Variants in NRXN1 observed in about 807,000 individuals in gnomAD.
NRXN1 encodes the protein neurexin-1.
NRXN1 carries 39 observed loss-of-function variants against 150.9 expected under a neutral mutation model. The ratio of observed to expected loss-of-function variants is 0.26; its 90% CI spans 0.20 to 0.34. NRXN1 has a LOEUF of 0.34. Ranked by LOEUF, NRXN1 falls within the 10% of genes least tolerant of loss-of-function variation. The pLI is 1.00. For missense variants in NRXN1, 1,815 were observed against 1,949.9 expected, an observed-to-expected ratio of 0.93 and a Z score of 1.30; for synonymous variants, 924 against 757.0, an observed-to-expected ratio of 1.22 and a Z score of -3.62.
At chr2:50,251,387 T>G (rs920840417) in intron 17 of NRXN1, among the ~76,000 whole-genome samples, 4 of 152,138 alleles carry the variant, frequency 2.6e-5, no homozygotes, top group African/African-American at 9.7e-5. Flanking sequence ...CTACATAGTA[T>G]TCCATAGTGT....
intron 18 of NRXN1, among the ~76,000 whole-genome samples, chr2:50,101,323 C>G (rs952389724): frequency 1.3e-4 from 19 of 151,964 alleles, no homozygotes; most frequent in Admixed American, 7.2e-4. Context: ...AGGAACTGAA[C>G]AGGAAAGGGG....
At chr2:50,919,943 T>C in intron 5 of NRXN1, 4 of 335,314 alleles carry the variant, frequency 1.2e-5, no homozygotes, top group South Asian at 9.5e-5. Flanking sequence ...ATGAACACTC[T>C]GTGGATGCCA....
At chr2:50,922,517 A>G (rs1686193454) in intron 4 of NRXN1, 141 bp downstream of exon 4, 3 of 856,478 alleles carry the variant, frequency 3.5e-6, no homozygotes, top group Non-Finnish European at 5.8e-6. Flanking sequence ...AACACATGAA[A>G]AAATGTGAAC....
chr2:50,561,028 G>T (rs546925133), intron 8 of NRXN1, among the ~76,000 whole-genome samples: 1 of 152,218 alleles, frequency 6.6e-6, no homozygotes, highest in South Asian at 2.1e-4. Context: ...ACAACAAAGA[G>T]AAAAATATTT....
chr2:50,893,321 G>C (rs1228844729), intron 5 of NRXN1, among the ~76,000 whole-genome samples: 4 of 152,052 alleles, frequency 2.6e-5, no homozygotes, highest in South Asian at 4.1e-4. Context: ...GCCACAAAAG[G>C]ACAGACAATT....
At chr2:50,183,512 T>C (rs1390491604) in intron 18 of NRXN1, among the ~76,000 whole-genome samples, 1 of 151,892 alleles carries the variant, frequency 6.6e-6, no homozygotes, top group Non-Finnish European at 1.5e-5. Context: ...ATTGATATTC[T>C]TTAACTGTGT....
intron 2 of NRXN1, among the ~76,000 whole-genome samples, chr2:50,940,697 T>G (rs564369029): frequency 6.6e-6 from 1 of 152,256 alleles, no homozygotes; most frequent in African/African-American, 2.4e-5. Flanking sequence ...TTGTTTTTTG[T>G]TTTTCACATT....
chr2:50,185,435 C>G (rs534621069), intron 18 of NRXN1: 25 of 152,030 alleles, frequency 1.6e-4, no homozygotes, highest in Non-Finnish European at 1.5e-5. Flanking sequence ...AAGAAGTTCT[C>G]TCCTTCCTGA....
At chr2:50,312,311 G>T (rs1239554199) in intron 17 of NRXN1, among the ~76,000 whole-genome samples, 1 of 152,036 alleles carries the variant, frequency 6.6e-6, no homozygotes, top group East Asian at 1.9e-4. Context: ...ACAAAGATAT[G>T]CAGAGTTGGA....
chr2:50,556,113 A>G (rs1668216449), intron 8 of NRXN1, among the ~76,000 whole-genome samples: 1 of 152,120 alleles, frequency 6.6e-6, no homozygotes, highest in South Asian at 2.1e-4. Flanking sequence ...CAGAAAAGCA[A>G]TTTTGCATTG....
rs754639541 is a variant in NRXN1, at chr2:50,623,294, C to G, written c.1134+20G>C. 2 of 1,603,808 alleles carry G rather than the reference C, an allele frequency of 1.2e-6. No individual in the cohort carries two copies. The highest frequency in any genetic ancestry group is 1.7e-5 in the Admixed American group (1 of 59,600). On this transcript the variant is annotated intron_variant, in intron 6 of 22. Coordinates refer to ENST00000401669, the MANE Select transcript of NRXN1 (RefSeq NM_001330078.2). ...AGCGAGAAACAAAGCCAGTTACTCT[C>G]TTATCCACTGCGCTGTTACCTGACG...
intron 21 of NRXN1, among the ~76,000 whole-genome samples, chr2:50,039,699 G>A (rs1690624254): frequency 2.0e-5 from 3 of 152,106 alleles, no homozygotes; most frequent in Non-Finnish European, 4.4e-5. Flanking sequence ...GAGGGAAAGA[G>A]ATAAGGTTTG....
chr2:50,294,842 C>G (rs1239799474), intron 17 of NRXN1, among the ~76,000 whole-genome samples: 1 of 152,144 alleles, frequency 6.6e-6, no homozygotes, highest in Non-Finnish European at 1.5e-5. Context: ...TATTAAAATA[C>G]TAAACTCTCC....
intron 18 of NRXN1, among the ~76,000 whole-genome samples, chr2:50,186,892 A>AT (rs1244672773): frequency 6.6e-6 from 1 of 152,104 alleles, no homozygotes; most frequent in Non-Finnish European, 1.5e-5. Flanking sequence ...ATTTCAAAAC[A>AT]TTTTTAAAAT....
intron 18 of NRXN1, among the ~76,000 whole-genome samples, chr2:50,143,365 T>C (rs1351445302): frequency 2.0e-5 from 3 of 151,892 alleles, no homozygotes; most frequent in Non-Finnish European, 4.4e-5. Context: ...ATAAATAATA[T>C]GAAAGAACTT....
intron 2 of NRXN1, among the ~76,000 whole-genome samples, chr2:51,007,644 A>G (rs1162305284): frequency 2.0e-5 from 3 of 151,884 alleles, no homozygotes; most frequent in African/African-American, 7.2e-5. Flanking sequence ...AAAGAGTTAG[A>G]CAGGTTAAAT....
At chr2:50,032,947 T>TAC (rs147067435) in intron 21 of NRXN1, among the ~76,000 whole-genome samples, 26 of 150,332 alleles carry the variant, frequency 1.7e-4, no homozygotes, top group African/African-American at 5.4e-4. Context: ...AATACACACA[T>TAC]ACACACACAC....
At chr2:50,469,342 A>G (rs1038437131) in intron 16 of NRXN1, among the ~76,000 whole-genome samples, 3 of 151,708 alleles carry the variant, frequency 2.0e-5, no homozygotes, top group African/African-American at 7.3e-5. Flanking sequence ...AATAAATTAG[A>G]AATAAAAGGC....
intron 14 of NRXN1, among the ~76,000 whole-genome samples, 170 bp from the exon 15 acceptor site, chr2:50,496,265 T>C (rs1312065038): frequency 1.3e-5 from 2 of 152,152 alleles, no homozygotes; most frequent in African/African-American, 4.8e-5. Flanking sequence ...AACACTATTC[T>C]GTTTCAGCAA....
Sources: allele counts gnomAD v4.1 joint callset (sites outside exome capture counted in the v4.1 genomes callset), GRCh38; gene constraint gnomAD v4.1.1; transcripts MANE v1.5; gene names NCBI Gene and HGNC (gene_info 2026-07-23, HGNC 2026-07-21).